The following CTNNA2 variants were observed in gnomAD, a reference collection of about 807,000 sequenced individuals.
The protein encoded by CTNNA2 is catenin alpha 2, also known as catenin alpha-2.
In CTNNA2, 42 loss-of-function variants were observed where a neutral mutation model predicts 101.0. That is an observed-to-expected ratio of 0.42 (90% CI 0.32 to 0.54). The LOEUF is 0.54. Ranked by LOEUF, CTNNA2 falls within the 20% of genes least tolerant of loss-of-function variation. The pLI, the probability that CTNNA2 is intolerant of heterozygous loss-of-function variation, is 0.14. For missense variants in CTNNA2, 871 were observed against 1,223.1 expected (o/e 0.71, Z 4.29); for synonymous variants, 450 against 456.4 (o/e 0.99, Z 0.18).
chr2:80,627,447 T>C (rs990346726), intron 18 of CTNNA2, among the ~76,000 whole-genome samples: 8 of 152,184 alleles, frequency 5.3e-5, no homozygotes, highest in African/African-American at 1.7e-4. Context: ...TGGCTTTGAT[T>C]TGCATTTCTC....
chr2:79,577,019 G>T (rs1675841789), intron 1 of CTNNA2, among the ~76,000 whole-genome samples: 1 of 152,104 alleles, frequency 6.6e-6, no homozygotes, highest in Non-Finnish European at 1.5e-5. Flanking sequence ...CTTTAAGCTT[G>T]TAACAGTTCA....
At chr2:79,697,557 T>C (rs919730748) in intron 2 of CTNNA2, among the ~76,000 whole-genome samples, 7 of 152,094 alleles carry the variant, frequency 4.6e-5, no homozygotes, top group African/African-American at 1.7e-4. Context: ...TTTGATTGCA[T>C]TGCAGACCTC....
chr2:80,206,041 A>T (rs1392485898), intron 7 of CTNNA2, among the ~76,000 whole-genome samples: 2 of 152,170 alleles, frequency 1.3e-5, no homozygotes, highest in African/African-American at 4.8e-5. Flanking sequence ...TGTCATGGTA[A>T]TCCATTTCAT....
chr2:79,826,496 C>T (rs1038840566), intron 3 of CTNNA2, among the ~76,000 whole-genome samples: 1 of 152,176 alleles, frequency 6.6e-6, no homozygotes, highest in African/African-American at 2.4e-5. Flanking sequence ...AATTTGGCCT[C>T]AACCAAATTA....
chr2:80,451,739 G>T (rs1683524844), intron 9 of CTNNA2, among the ~76,000 whole-genome samples: 1 of 152,074 alleles, frequency 6.6e-6, no homozygotes, highest in Non-Finnish European at 1.5e-5. Context: ...GGGGGATGAG[G>T]AAATGTTTGA....
At chr2:80,284,242 G>T (rs1307822537) in intron 7 of CTNNA2, among the ~76,000 whole-genome samples, 1 of 152,084 alleles carries the variant, frequency 6.6e-6, no homozygotes, top group South Asian at 2.1e-4. Flanking sequence ...CCTAACTCTG[G>T]ATGATAAAAT....
At chr2:79,213,753 A>G (rs1228192662) in intron 2 of CTNNA2, among the ~76,000 whole-genome samples, 1 of 152,184 alleles carries the variant, frequency 6.6e-6, no homozygotes, top group Non-Finnish European at 1.5e-5. Context: ...AACAATGGTA[A>G]TTGTGGGAAA....
At chr2:79,987,892 A>C (rs930298666) in intron 7 of CTNNA2, among the ~76,000 whole-genome samples, 2 of 152,220 alleles carry the variant, frequency 1.3e-5, no homozygotes, top group Non-Finnish European at 2.9e-5. Context: ...CAGATTAAAC[A>C]AATAATTTCT....
At chr2:80,278,241 T>A (rs1674080473) in intron 7 of CTNNA2, among the ~76,000 whole-genome samples, 3 of 152,168 alleles carry the variant, frequency 2.0e-5, no homozygotes, top group East Asian at 3.9e-4. Flanking sequence ...TGATGTATTA[T>A]TAAGGGACCG....
chr2:80,097,776 C>T (rs751052739), intron 7 of CTNNA2, among the ~76,000 whole-genome samples: 22 of 152,248 alleles, frequency 1.4e-4, no homozygotes, highest in Non-Finnish European at 2.8e-4. Context: ...TCGCTGATAC[C>T]CTTTCTTCCA....
At chr2:79,699,798 C>A (rs1256141995) in intron 2 of CTNNA2, among the ~76,000 whole-genome samples, 1 of 117,114 alleles carries the variant, frequency 8.5e-6, no homozygotes, top group Non-Finnish European at 1.9e-5. Flanking sequence ...TACACACACA[C>A]ACACACACAC....
chr2:80,614,618 T>A (rs575433149), intron 17 of CTNNA2, among the ~76,000 whole-genome samples: 1 of 151,594 alleles, frequency 6.6e-6, no homozygotes, highest in South Asian at 2.1e-4. Flanking sequence ...AGACATATCC[T>A]AATTTTGACT....
chr2:79,965,981 A>T (rs1293578546), intron 7 of CTNNA2, among the ~76,000 whole-genome samples: 1 of 152,086 alleles, frequency 6.6e-6, no homozygotes, highest in Non-Finnish European at 1.5e-5. Context: ...AGGTGAGGGG[A>T]ATACATACGT....
Position 80,145,655 on chromosome 2 carries a change from A to AT in CTNNA2, c.1056+235858_1056+235859insT, listed in dbSNP as rs147796863. On this transcript the variant is annotated intron_variant, in intron 7 of 18. Transcript: ENST00000402739. The stretch of plus-strand genomic sequence containing the variant: ...TCACTTGACCATGAGCCATTCTGGA[A>AT]GTTGGGACATCTTGTTTCAGAAGCC... Among the ~76,000 whole-genome samples, 590 of 152,348 alleles carry AT rather than the reference A, an allele frequency of 3.9e-3. 4 individuals are homozygous for AT. The highest frequency in any genetic ancestry group is 0.014 in the African/African-American group (567 of 41,588).
chr2:80,402,503 C>G (rs2149381479), intron 8 of CTNNA2, among the ~76,000 whole-genome samples: 1 of 152,108 alleles, frequency 6.6e-6, no homozygotes, highest in Admixed American at 6.6e-5. Flanking sequence ...CAAAAATTGC[C>G]TCATTAGAAT....
At chr2:79,432,344 C>G (rs1678667647) in intron 4 of CTNNA2, among the ~76,000 whole-genome samples, 1 of 152,202 alleles carries the variant, frequency 6.6e-6, no homozygotes, top group South Asian at 2.1e-4. Flanking sequence ...TACCCAGAAC[C>G]AGGATTCCAA....
At chr2:79,686,587 TTATAAA>T (rs1256127559) in intron 2 of CTNNA2, among the ~76,000 whole-genome samples, 1 of 152,086 alleles carries the variant, frequency 6.6e-6, no homozygotes, top group Non-Finnish European at 1.5e-5. Context: ...AAATAGAGCC[TTATAAA>T]TATATTTATC....
chr2:79,562,743 A>G lies in CTNNA2; in HGVS notation c.-6+49536A>G, dbSNP rs377185863. 2.6e-5 allele frequency among the ~76,000 whole-genome samples: 4 copies of G among 152,216 alleles called. 1 individual carries two copies. In the South Asian group the frequency reaches 6.2e-4, roughly 24 times the overall value. ...TTGTATTTCTAGCCACACTCATGCA[A>G]TTATGCAAATGTGAAACTTGCTCTG... On this transcript the variant is annotated intron_variant, in intron 1 of 18. Coordinates refer to ENST00000402739, the MANE Select transcript of CTNNA2 (RefSeq NM_001282597.3).
intron 2 of CTNNA2, chr2:79,697,804 A>G (rs1162540332): frequency 6.6e-6 from 1 of 151,834 alleles, no homozygotes; most frequent in Admixed American, 6.6e-5. Flanking sequence ...ACTTTCACAT[A>G]TTTTTTTCAG....
Sources: gnomAD v4.1 joint callset for allele counts (sites outside exome capture counted in the v4.1 genomes callset) on GRCh38, gnomAD v4.1.1 for gene constraint, MANE v1.5 for transcripts, NCBI Gene and HGNC (gene_info 2026-07-23, HGNC 2026-07-21) for gene names.